The following TIMP2 variants were observed in gnomAD, a reference collection of about 807,000 sequenced individuals.
TIMP2 encodes the protein TIMP metallopeptidase inhibitor 2, also known as metalloproteinase inhibitor 2.
A neutral mutation model predicts 24.3 loss-of-function variants in TIMP2; 5 were observed. That is an observed-to-expected ratio of 0.21 (90% CI 0.11 to 0.43). TIMP2 has a LOEUF of 0.43. Among genes scored for constraint, TIMP2 ranks in the 20% least tolerant of loss-of-function variants. The pLI, the probability that TIMP2 is intolerant of heterozygous loss-of-function variation, is 1.00. For missense variants in TIMP2, 221 were observed against 297.5 expected, an observed-to-expected ratio of 0.74 and a Z score of 1.89; for synonymous variants, 130 against 123.2, an observed-to-expected ratio of 1.06 and a Z score of -0.37.
At chr17:78,872,953 C>T (rs1305363434) in intron 2 of TIMP2, among the ~76,000 whole-genome samples, 8 of 152,062 alleles carry the variant, frequency 5.3e-5, no homozygotes, top group Admixed American at 5.2e-4. Flanking sequence ...CTCAGCCTCC[C>T]AAGTAGCTGG....
At chr17:78,905,515 G>A (rs773591654) in intron 1 of TIMP2, among the ~76,000 whole-genome samples, 14 of 152,220 alleles carry the variant, frequency 9.2e-5, no homozygotes, top group Admixed American at 3.3e-4. Context: ...TGGCCTTGAC[G>A]CCCATTCTAA....
At position 78,916,750 on chromosome 17, in the gene TIMP2, C is replaced by T. The variant is rs536541880; in HGVS notation, c.130+8209G>A. Among the ~76,000 whole-genome samples, 74 of 152,354 alleles carry T rather than the reference C, an allele frequency of 4.9e-4. 1 individual carries two copies. The South Asian group carries it at 0.011, about 22-fold the overall frequency. ...CCCGGAGTCCCACTGCCAGGTCCCA[C>T]TGCCGGGCCTCCAGGCTTTGCTGCT... is the stretch of plus-strand genomic sequence containing the variant. On this transcript the variant is annotated intron_variant, in intron 1 of 4. Coordinates refer to ENST00000262768, the MANE Select transcript of TIMP2 (RefSeq NM_003255.5).
At chr17:78,868,462 G>A (rs146251825) in intron 3 of TIMP2, among the ~76,000 whole-genome samples, 2,381 of 152,118 alleles carry the variant, frequency 0.016, 65 homozygotes, top group African/African-American at 0.054. Context: ...TGTTGGCAAG[G>A]CTGGTCTTGA....
chr17:78,890,854 C>T, intron 1 of TIMP2: 1 of 1,550,626 alleles, frequency 6.4e-7, no homozygotes, highest in Non-Finnish European at 8.7e-7. Flanking sequence ...TCAGATGGGC[C>T]AGTCGAGCTC....
chr17:78,879,872 C>A (rs1008899529), intron 1 of TIMP2, among the ~76,000 whole-genome samples: 1 of 149,884 alleles, frequency 6.7e-6, no homozygotes, highest in Non-Finnish European at 1.5e-5. Flanking sequence ...GATGTCACTT[C>A]CCCCCTGCAA....
chr17:78,917,973 G>T (rs2070273885), intron 1 of TIMP2, among the ~76,000 whole-genome samples: 1 of 151,966 alleles, frequency 6.6e-6, no homozygotes. Flanking sequence ...CTTTTAAATG[G>T]CAGTGACTTG....
intron 1 of TIMP2, among the ~76,000 whole-genome samples, chr17:78,893,033 G>T (rs536454667): frequency 1.3e-5 from 2 of 152,278 alleles, no homozygotes; most frequent in South Asian, 4.1e-4. Context: ...GAAGAGACGG[G>T]GCAGGGAGGA....
rs1359157650 is a variant in TIMP2 at position 78,853,175 on chromosome 17, AAC to A, written c.*2490_*2491del. 6.6e-6 allele frequency: 1 copy of A among 152,618 alleles called. No individual in the cohort carries two copies. Among genetic ancestry groups the A allele is most frequent in the African/African-American group, 2.4e-5 (1 of 41,452 alleles). The allele number at this position is 152,618 out of a possible 1,614,324, so 9.5% of individuals were successfully genotyped here. A position where few individuals can be genotyped will look rare whatever the true frequency, so the allele number is the denominator to read the frequency against. On this transcript the variant is annotated 3_prime_UTR_variant, in exon 5 of 5. Transcript: ENST00000262768. ...CAAAAATCCAAACGGAAACAAAATC[AAC>A]AGAGCTTTAAATTACGGCAGCAAGT...
chr17:78,924,937 G>T lies in TIMP2; in HGVS notation c.130+22C>A. The T allele has an allele frequency of 8.1e-7, 1 of 1,236,846 alleles. No homozygotes were observed. Among genetic ancestry groups the T allele is most frequent in the Non-Finnish European group, 1.0e-6 (1 of 979,726 alleles). The allele number at this position is 1,236,846 out of a possible 1,614,324, so 76.6% of individuals were successfully genotyped here. On this transcript the variant is annotated intron_variant, in intron 1 of 4. Transcript: ENST00000262768. The surrounding 1 kb of genome is among the most constrained non-coding windows in gnomAD (Gnocchi z 5.3). Reference sequence around the variant, plus strand: ...CGGGGGAGGTGGGGCCCCGCGCGGGGGCTGGGGTCGCCGCTCCTTACCTAC... The same window carrying T: ...CGGGGGAGGTGGGGCCCCGCGCGGGTGCTGGGGTCGCCGCTCCTTACCTAC...
intron 1 of TIMP2, among the ~76,000 whole-genome samples, chr17:78,918,504 T>A (rs996471849): frequency 6.6e-6 from 1 of 152,108 alleles, no homozygotes; most frequent in Non-Finnish European, 1.5e-5. Context: ...CTCTGAGACA[T>A]CCATGCTCCT....
intron 1 of TIMP2, among the ~76,000 whole-genome samples, chr17:78,914,532 CT>C (rs1388575388): frequency 2.0e-5 from 3 of 151,798 alleles, no homozygotes; most frequent in Non-Finnish European, 4.4e-5. Flanking sequence ...ATCCACCCAC[CT>C]TGGCCTCCCA....
rs866974496 is a variant in TIMP2 at position 78,854,730 on chromosome 17, C to A, written c.*937G>T. The A allele has an allele frequency of 2.6e-5, 4 of 152,098 alleles. No individual in the cohort carries two copies. The highest frequency in any genetic ancestry group is 9.7e-5 in the African/African-American group (4 of 41,396). 9.4% of individuals were successfully genotyped at this position (152,098 alleles called of 1,614,324 possible). A position where few individuals can be genotyped will look rare whatever the true frequency, so the allele number is the denominator to read the frequency against. On this transcript the variant is annotated 3_prime_UTR_variant, in exon 5 of 5. Transcript: ENST00000262768. ...AGGATGTGCAGATGGGGAGCCCAGC[C>A]GGGCCCTGCACACAAGCCCGGATAA... is the stretch of plus-strand genomic sequence containing the variant.
chr17:78,909,446 C>A (rs908894815), intron 1 of TIMP2, among the ~76,000 whole-genome samples: 2 of 150,514 alleles, frequency 1.3e-5, no homozygotes, highest in Admixed American at 6.6e-5. Flanking sequence ...GCATAATAAT[C>A]CCCCCGGACC....
chr17:78,911,008 G>A lies in TIMP2; in HGVS notation c.130+13951C>T, dbSNP rs139723810. On this transcript the variant is annotated intron_variant, in intron 1 of 4. Transcript: ENST00000262768. ...CGTGGGACTGCTGGATCATATGGCC[G>A]TTCTATTTGTAGTTTTTTGAGGAAC... Among the ~76,000 whole-genome samples, 314 of 152,226 alleles carry A rather than the reference G, an allele frequency of 2.1e-3. 2 individuals are homozygous for A. Among genetic ancestry groups the A allele is most frequent in the African/African-American group, 7.1e-3 (296 of 41,538 alleles).
chr17:78,901,872 C>T, intron 1 of TIMP2: 1 of 679,936 alleles, frequency 1.5e-6, no homozygotes, highest in South Asian at 1.6e-5. Context: ...AGCACTGTCT[C>T]CAGGGCTGTC....
In TIMP2 at chr17:78,915,182, T is replaced by C. The variant is rs537781886; in HGVS notation, c.130+9777A>G. On this transcript the variant is annotated intron_variant, in intron 1 of 4. Coordinates refer to ENST00000262768, the MANE Select transcript of TIMP2 (RefSeq NM_003255.5). ...AAAGTGCTGGGATTACAGGCGTGAGTCACTGCAACCGGCCCAGTCTGGGCT... is the reference window on the plus strand; with the variant it reads ...AAAGTGCTGGGATTACAGGCGTGAGCCACTGCAACCGGCCCAGTCTGGGCT... Among the ~76,000 whole-genome samples the C allele has an allele frequency of 2.5e-3, 373 of 151,928 alleles. 3 individuals carry two copies. Among genetic ancestry groups the C allele is most frequent in the African/African-American group, 8.5e-3 (352 of 41,446 alleles).
chr17:78,891,138 T>C lies in TIMP2; in HGVS notation c.131-17219A>G, dbSNP rs1290592713. On this transcript the variant is annotated intron_variant, in intron 1 of 4. Transcript: ENST00000262768. The surrounding 1 kb of genome is among the most constrained non-coding windows in gnomAD (Gnocchi z 4.5). The stretch of plus-strand genomic sequence containing the variant: ...AATGAGTCCTCTTTGTTGATAAATA[T>C]ACCTGCCTCGGGAGACAATGTTTGA... 1 of 1,550,686 alleles carries C rather than the reference T, an allele frequency of 6.4e-7. No individual in the cohort carries two copies. Among genetic ancestry groups the C allele is most frequent in the Non-Finnish European group, 8.7e-7 (1 of 1,147,024 alleles).
At chr17:78,869,038 G>T (rs1219316393) in intron 3 of TIMP2, among the ~76,000 whole-genome samples, 1 of 152,254 alleles carries the variant, frequency 6.6e-6, no homozygotes, top group Non-Finnish European at 1.5e-5. Context: ...CTGAGATTGA[G>T]AATCCTGTCC....
At chr17:78,905,796 T>G (rs531949924) in intron 1 of TIMP2, among the ~76,000 whole-genome samples, 1 of 152,380 alleles carries the variant, frequency 6.6e-6, no homozygotes, top group Non-Finnish European at 1.5e-5. Flanking sequence ...AACTCAGCCT[T>G]GAGAGTCTGG....
Sources: gnomAD v4.1 joint callset for allele counts (sites outside exome capture counted in the v4.1 genomes callset) on GRCh38, gnomAD v4.1.1 for gene constraint, Gnocchi (gnomAD v3.1) non-coding constraint, MANE v1.5 for transcripts, NCBI Gene and HGNC (gene_info 2026-07-23, HGNC 2026-07-21) for gene names.